DNAI4: variants seen among roughly 807,000 people sequenced by gnomAD.
The protein encoded by DNAI4 is dynein axonemal intermediate chain 4.
Under a neutral mutation model 105.8 loss-of-function variants are expected in DNAI4, and 85 were observed. That is an observed-to-expected ratio of 0.80 (90% CI 0.67 to 0.96). DNAI4 has a LOEUF of 0.96. Among genes scored for constraint, DNAI4 ranks in the 40% least tolerant of loss-of-function variants. The pLI is 0.00. For synonymous variants in DNAI4, 352 were observed against 331.5 expected (o/e 1.06, Z -0.67); for missense variants, 1,014 against 1,005.6 (o/e 1.01, Z -0.11).
rs184382035 is a variant in DNAI4, at chr1:66,902,156, G to A, written c.345+3045C>T. Among the ~76,000 whole-genome samples the A allele has an allele frequency of 1.5e-3, 226 of 152,112 alleles. 1 individual carries two copies. Among genetic ancestry groups the A allele is most frequent in the Non-Finnish European group, 2.2e-3 (148 of 67,972 alleles). On this transcript the variant is annotated intron_variant, in intron 2 of 16. Transcript: ENST00000371026. ...CCCTACAATACCATTTTTCATAGTG[G>A]CCACACCATTTCACAATCCACTAAC...
chr1:66,885,519 GT>G (rs1207980371), intron 4 of DNAI4, among the ~76,000 whole-genome samples: 1 of 151,912 alleles, frequency 6.6e-6, no homozygotes, highest in African/African-American at 2.4e-5. Flanking sequence ...CTCTTTTCTT[GT>G]TTATTTGGTT....
At chr1:66,861,718 T>C (rs1201639425) in intron 7 of DNAI4, among the ~76,000 whole-genome samples, 2 of 152,178 alleles carry the variant, frequency 1.3e-5, no homozygotes, top group African/African-American at 4.8e-5. Flanking sequence ...AAAACAAGAA[T>C]GTCTCCAGAC....
intron 8 of DNAI4, among the ~76,000 whole-genome samples, chr1:66,842,376 G>GT (rs915252175): frequency 6.6e-6 from 1 of 151,932 alleles, no homozygotes; most frequent in Non-Finnish European, 1.5e-5. Context: ...GTATGTTTGG[G>GT]TTTTTTTGTT....
chr1:66,835,723 T>C lies in DNAI4; in HGVS notation c.1636A>G (p.Ile546Val), dbSNP rs746924668. Residue 546 changes from isoleucine to valine, a missense_variant, in exon 11 of 17, where the codon ATT (isoleucine) becomes GTT (valine). Physicochemically the swap from Ile to Val is conservative, Grantham distance 29 (BLOSUM62 3). Transcript: ENST00000371026. Reference protein sequence around the residue: ...PYGVTAVDFSIGAPNLLAVGY... With the variant: ...PYGVTAVDFSVGAPNLLAVGY... ...ACGGCTAAAAGGTTAGGTGCTCCAA[T>C]TGAAAAATCCACAGCAGTAACTCCA... 29 of 1,614,140 alleles carry C rather than the reference T, an allele frequency of 1.8e-5. No individual in the cohort carries two copies. In the East Asian group the frequency reaches 2.2e-4, roughly 12 times the overall value.
At chr1:66,835,990 A>G (rs1645978736) in intron 10 of DNAI4, among the ~76,000 whole-genome samples, 1 of 151,540 alleles carries the variant, frequency 6.6e-6, no homozygotes, top group Non-Finnish European at 1.5e-5. Context: ...TCAGCACTCA[A>G]TGGCTTTAAG....
intron 4 of DNAI4, among the ~76,000 whole-genome samples, chr1:66,881,268 A>C (rs1330521447): frequency 6.6e-6 from 1 of 152,108 alleles, no homozygotes; most frequent in African/African-American, 2.4e-5. Context: ...TGAGAAGAGG[A>C]CCACCATCCT....
intron 14 of DNAI4, 81 bp from the exon 15 acceptor site, chr1:66,827,127 A>G: frequency 8.1e-7 from 1 of 1,241,228 alleles, no homozygotes. Flanking sequence ...TAAAAATGCT[A>G]AGATTTCTAG....
intron 13 of DNAI4, among the ~76,000 whole-genome samples, chr1:66,832,630 A>AT (rs1327595585): frequency 6.6e-6 from 1 of 152,180 alleles, no homozygotes; most frequent in Non-Finnish European, 1.5e-5. Context: ...ATAGTCAATA[A>AT]TAATTTAATT....
intron 7 of DNAI4, among the ~76,000 whole-genome samples, chr1:66,861,518 G>A (rs1472013786): frequency 6.6e-6 from 1 of 152,180 alleles, no homozygotes; most frequent in Non-Finnish European, 1.5e-5. Context: ...CTACAACTTT[G>A]TATTGATTTT....
intron 4 of DNAI4, among the ~76,000 whole-genome samples, chr1:66,887,732 G>C (rs1023801140): frequency 6.6e-6 from 1 of 152,086 alleles, no homozygotes; most frequent in African/African-American, 2.4e-5. Context: ...CCAGCATTTT[G>C]GGAGGCCAAG....
chr1:66,821,474 AC>A (rs1645625214), intron 16 of DNAI4, among the ~76,000 whole-genome samples: 1 of 152,158 alleles, frequency 6.6e-6, no homozygotes, highest in Admixed American at 6.6e-5. Context: ...TTCTATTCCA[AC>A]CACCAGTATG....
rs1185688802 is a variant in DNAI4, at chr1:66,916,141, C to G, written c.170+8521G>C. Among the ~76,000 whole-genome samples, 6 of 105,108 alleles carry G rather than the reference C, an allele frequency of 5.7e-5. No individual in the cohort carries two copies. The East Asian group carries it at 2.6e-3, about 46-fold the overall frequency. The allele number at this position is 105,108 out of a possible 152,430, so 69.0% of individuals were successfully genotyped here. Reference sequence around the variant, plus strand: ...TAAATTTAGTCCTAAAATAAAATGACTGGTTGTTTAAGAAGGAGGGATGTT... The same window carrying G: ...TAAATTTAGTCCTAAAATAAAATGAGTGGTTGTTTAAGAAGGAGGGATGTT... On this transcript the variant is annotated intron_variant, in intron 1 of 16. Transcript: ENST00000371026.
intron 1 of DNAI4, among the ~76,000 whole-genome samples, chr1:66,916,746 C>A (rs1463517696): frequency 6.6e-6 from 1 of 152,026 alleles, no homozygotes; most frequent in Non-Finnish European, 1.5e-5. Context: ...CATTTGGAAG[C>A]TGTATTGCTT....
chr1:66,919,164 T>A, intron 1 of DNAI4: 1 of 425,340 alleles, frequency 2.4e-6, no homozygotes, highest in Non-Finnish European at 4.8e-6. Flanking sequence ...TAGGCACATG[T>A]TGCCAGTACT....
chr1:66,848,562 C>G (rs1166553262), intron 7 of DNAI4, among the ~76,000 whole-genome samples: 2 of 152,192 alleles, frequency 1.3e-5, no homozygotes, highest in Non-Finnish European at 1.5e-5. Flanking sequence ...ACTCTTGCTT[C>G]TTTATCTTTA....
intron 9 of DNAI4, among the ~76,000 whole-genome samples, chr1:66,839,312 C>T (rs992132829): frequency 2.0e-5 from 3 of 152,118 alleles, no homozygotes; most frequent in African/African-American, 7.2e-5. Flanking sequence ...ATCCACAAGA[C>T]AGTCCCAAAT....
At position 66,814,106 on chromosome 1, in the gene DNAI4, A is replaced by G. The variant is rs770584297; in HGVS notation, c.*24T>C. 1.3e-6 allele frequency: 2 copies of G among 1,579,782 alleles called. No homozygotes were observed. The highest frequency in any genetic ancestry group is 1.2e-5 in the South Asian group (1 of 86,584). On this transcript the variant is annotated 3_prime_UTR_variant, in exon 17 of 17. Transcript: ENST00000371026. ...TTAATTCCTTTTTTAAAACAACTACAAGAAAAATATTAGGAATGATGAATT... is the reference window on the plus strand; with the variant it reads ...TTAATTCCTTTTTTAAAACAACTACGAGAAAAATATTAGGAATGATGAATT...
chr1:66,921,593 A>C (rs1329264752), intron 1 of DNAI4, among the ~76,000 whole-genome samples: 1 of 152,216 alleles, frequency 6.6e-6, no homozygotes, highest in Non-Finnish European at 1.5e-5. Flanking sequence ...CTCCCAAAGG[A>C]ATTTTTCTTA....
chr1:66,829,241 A>G (rs1235206932), intron 13 of DNAI4, among the ~76,000 whole-genome samples: 2 of 152,232 alleles, frequency 1.3e-5, no homozygotes, highest in Non-Finnish European at 2.9e-5. Context: ...AACTAAATGT[A>G]AATGATCTTA....
Sources: allele counts gnomAD v4.1 joint callset (sites outside exome capture counted in the v4.1 genomes callset), GRCh38; gene constraint gnomAD v4.1.1; transcripts MANE v1.5; gene names NCBI Gene and HGNC (gene_info 2026-07-23, HGNC 2026-07-21).